SKIC3: variants seen among roughly 807,000 people sequenced by gnomAD.
SKIC3 encodes SKI3 subunit of superkiller complex.
the SKIC3 span, chr5:95,536,765 C>T: frequency 7.1e-7 from 1 of 1,409,512 alleles, no homozygotes; most frequent in Admixed American, 1.7e-5. Context: ...AATAACATCA[C>T]TCACATAATC....
At chr5:95,524,937 A>T in the SKIC3 span, among the ~76,000 whole-genome samples, 8 of 151,890 alleles carry the variant, frequency 5.3e-5, no homozygotes, top group Non-Finnish European at 2.9e-5. Flanking sequence ...AGGCTGGAGT[A>T]CAGTGGAATG....
chr5:95,501,201 T>A, the SKIC3 span, among the ~76,000 whole-genome samples: 1 of 152,048 alleles, frequency 6.6e-6, no homozygotes, highest in Non-Finnish European at 1.5e-5. Context: ...GGAAAAAAAA[T>A]CTACCTACTT....
the SKIC3 span, among the ~76,000 whole-genome samples, chr5:95,478,035 G>T: frequency 1.3e-5 from 2 of 152,178 alleles, no homozygotes; most frequent in South Asian, 4.2e-4. Context: ...AAACAAAAAT[G>T]TATATCCTAA....
At chr5:95,519,526 C>A in the SKIC3 span, among the ~76,000 whole-genome samples, 6 of 151,540 alleles carry the variant, frequency 4.0e-5, no homozygotes, top group Non-Finnish European at 5.9e-5. Context: ...AATATCTTAG[C>A]AAAATTTCTA....
At chr5:95,494,488 T>G in the SKIC3 span, among the ~76,000 whole-genome samples, 2 of 152,204 alleles carry the variant, frequency 1.3e-5, no homozygotes, top group African/African-American at 4.8e-5. Context: ...ATATATTGTA[T>G]TAAACACTTA....
the SKIC3 span, among the ~76,000 whole-genome samples, chr5:95,539,159 G>A: frequency 6.6e-5 from 10 of 150,412 alleles, no homozygotes; most frequent in African/African-American, 2.4e-4. Context: ...CTTTTTTTTT[G>A]AGCATCCATT....
chr5:95,501,995 A>C, the SKIC3 span, among the ~76,000 whole-genome samples: 1 of 152,212 alleles, frequency 6.6e-6, no homozygotes, highest in East Asian at 1.9e-4. Flanking sequence ...TATTTATTAG[A>C]CAAGGAAATG....
the SKIC3 span, chr5:95,512,415 A>G: frequency 6.5e-7 from 1 of 1,546,430 alleles, no homozygotes; most frequent in Admixed American, 1.7e-5. Context: ...TAATTTTAAA[A>G]ATTATTTAAA....
At chr5:95,476,096 G>A in the SKIC3 span, among the ~76,000 whole-genome samples, 1 of 152,198 alleles carries the variant, frequency 6.6e-6, no homozygotes, top group East Asian at 1.9e-4. Context: ...AAACTTTTCT[G>A]GACTGGCCCT....
the SKIC3 span, chr5:95,541,880 A>C: frequency 2.5e-6 from 4 of 1,612,708 alleles, no homozygotes; most frequent in African/African-American, 1.3e-5. Context: ...TTATGTGATT[A>C]TATTTCTCAT....
the SKIC3 span, among the ~76,000 whole-genome samples, chr5:95,483,543 T>C: frequency 3.9e-5 from 6 of 152,248 alleles, no homozygotes; most frequent in East Asian, 1.2e-3. Flanking sequence ...AAAGAAAAAA[T>C]GTATCACTCT....
chr5:95,490,036 A>G, the SKIC3 span, among the ~76,000 whole-genome samples: 1 of 152,234 alleles, frequency 6.6e-6, no homozygotes, highest in Non-Finnish European at 1.5e-5. Context: ...TGAAAAGCTA[A>G]TGTCCCAAGA....
the SKIC3 span, among the ~76,000 whole-genome samples, chr5:95,532,713 A>G: frequency 6.6e-6 from 1 of 152,146 alleles, no homozygotes; most frequent in Non-Finnish European, 1.5e-5. Context: ...TCCACATTTA[A>G]CAACTTTAAA....
the SKIC3 span, chr5:95,507,010 C>A: frequency 1.2e-6 from 2 of 1,605,248 alleles, no homozygotes; most frequent in Non-Finnish European, 1.7e-6. Flanking sequence ...AACAAAATTG[C>A]CCTTAAAAAA....
At chr5:95,520,766 A>C in the SKIC3 span, 1 of 1,612,234 alleles carries the variant, frequency 6.2e-7, no homozygotes, top group African/African-American at 1.3e-5. Context: ...CTTTTCCATC[A>C]AGATAATCAA....
the SKIC3 span, among the ~76,000 whole-genome samples, chr5:95,487,056 A>C: frequency 6.6e-6 from 1 of 152,156 alleles, no homozygotes; most frequent in Non-Finnish European, 1.5e-5. Context: ...TCCACCCTTA[A>C]TCTGGTGGGC....
At chr5:95,491,941 T>C in the SKIC3 span, among the ~76,000 whole-genome samples, 1 of 152,170 alleles carries the variant, frequency 6.6e-6, no homozygotes, top group African/African-American at 2.4e-5. Flanking sequence ...CTATTTTTTC[T>C]TATCTGACCA....
chr5:95,487,204 G>A, the SKIC3 span, among the ~76,000 whole-genome samples: 1 of 152,186 alleles, frequency 6.6e-6, no homozygotes, highest in Non-Finnish European at 1.5e-5. Flanking sequence ...AAGTTCTTCA[G>A]TGTGGGGGCT....
At chr5:95,506,258 T>A in the SKIC3 span, among the ~76,000 whole-genome samples, 1 of 152,182 alleles carries the variant, frequency 6.6e-6, no homozygotes, top group South Asian at 2.1e-4. Flanking sequence ...CTACCTAAGG[T>A]CTGCCAGGTA....
Sources: gnomAD v4.1 joint callset for allele counts (sites outside exome capture counted in the v4.1 genomes callset) on GRCh38, gnomAD v4.1.1 for gene constraint, MANE v1.5 for transcripts, NCBI Gene and HGNC (gene_info 2026-07-23, HGNC 2026-07-21) for gene names.